Variants in LRFN2 observed in about 807,000 individuals in gnomAD.
LRFN2 encodes the protein leucine rich repeat and fibronectin type III domain containing 2, also known as leucine-rich repeat and fibronectin type-III domain-containing protein 2.
A neutral mutation model predicts 37.3 loss-of-function variants in LRFN2; 18 were observed. The ratio of observed to expected loss-of-function variants is 0.48; its 90% CI spans 0.33 to 0.72. LRFN2 has a LOEUF of 0.72. LRFN2 is among the 30% of genes least tolerant of loss of function. LRFN2 has a pLI of 0.02. For synonymous variants in LRFN2, 556 were observed against 466.6 expected (o/e 1.19, Z -2.47); for missense variants, 1,006 against 1,060.7 (o/e 0.95, Z 0.72).
At chr6:40,459,332 C>T (rs1260173305) in intron 1 of LRFN2, among the ~76,000 whole-genome samples, 1 of 152,210 alleles carries the variant, frequency 6.6e-6, no homozygotes, top group Admixed American at 6.5e-5. Flanking sequence ...GCCAGAGGAA[C>T]TTCAATTGTG....
At chr6:40,486,606 G>A (rs73432629) in intron 1 of LRFN2, among the ~76,000 whole-genome samples, 7,352 of 152,194 alleles carry the variant, frequency 0.048, 534 homozygotes, top group African/African-American at 0.16. Flanking sequence ...AGCAACAGAA[G>A]TGTCCCATGG....
chr6:40,391,959 ATCACCCAT>A lies in LRFN2; in HGVS notation c.2346_2353del (p.Glu782AspfsTer82). 1 of 1,581,136 alleles carries A rather than the reference ATCACCCAT, an allele frequency of 6.3e-7. No homozygotes were observed. Among genetic ancestry groups the A allele is most frequent in the Non-Finnish European group, 8.6e-7 (1 of 1,162,376 alleles). On this transcript the variant is annotated frameshift_variant, in exon 3 of 3. Transcript: ENST00000338305. LOFTEE classifies it high-confidence loss of function. ...CACCCCCACCTAGACCGTGCTCTCC[ATCACCCAT>A]TCGGAGCTGCCAAAAGTCCCCCGGG...
intron 1 of LRFN2, among the ~76,000 whole-genome samples, chr6:40,524,606 T>C (rs1581777645): frequency 1.3e-5 from 2 of 152,210 alleles, no homozygotes; most frequent in Non-Finnish European, 2.9e-5. Flanking sequence ...TCACTCACTC[T>C]GTTGGCAACC....
chr6:40,455,246 G>A (rs1764208971), intron 1 of LRFN2, among the ~76,000 whole-genome samples: 2 of 152,168 alleles, frequency 1.3e-5, no homozygotes, highest in Non-Finnish European at 2.9e-5. Context: ...AATATGCAAT[G>A]CCTGTGCATC....
intron 1 of LRFN2, among the ~76,000 whole-genome samples, chr6:40,562,003 T>C (rs1767003467): frequency 6.6e-6 from 1 of 152,176 alleles, no homozygotes; most frequent in African/African-American, 2.4e-5. Context: ...GCAGGTATTC[T>C]AGAAGTATGT....
intron 2 of LRFN2, among the ~76,000 whole-genome samples, chr6:40,397,368 TCAGCAGCCTC>T (rs1198399492): frequency 2.6e-5 from 4 of 152,312 alleles, no homozygotes; most frequent in African/African-American, 9.6e-5. Context: ...CAGGATGGAC[TCAGCAGCCTC>T]CAGTCAGGCT....
chr6:40,411,246 T>G (rs935763814), intron 2 of LRFN2, among the ~76,000 whole-genome samples: 1 of 152,168 alleles, frequency 6.6e-6, no homozygotes, highest in Non-Finnish European at 1.5e-5. Context: ...GTGAGGCTGA[T>G]GAGGAGTCGT....
chr6:40,545,908 T>C (rs999417718), intron 1 of LRFN2, among the ~76,000 whole-genome samples: 2 of 152,186 alleles, frequency 1.3e-5, no homozygotes, highest in African/African-American at 4.8e-5. Context: ...AAATTGTTTC[T>C]TTTTCTTTTG....
At chr6:40,442,481 C>G (rs937605002) in intron 1 of LRFN2, among the ~76,000 whole-genome samples, 2 of 152,120 alleles carry the variant, frequency 1.3e-5, no homozygotes, top group Non-Finnish European at 2.9e-5. Context: ...CTTCAGCCAA[C>G]TGGGGCTCCC....
chr6:40,579,995 C>A (rs1219213816), intron 1 of LRFN2, among the ~76,000 whole-genome samples: 2 of 152,152 alleles, frequency 1.3e-5, no homozygotes, highest in Non-Finnish European at 2.9e-5. Context: ...GAAGGTAGCA[C>A]TTCAGAGCAA....
intron 1 of LRFN2, among the ~76,000 whole-genome samples, chr6:40,441,894 G>C (rs1367280138): frequency 6.6e-6 from 1 of 152,222 alleles, no homozygotes; most frequent in African/African-American, 2.4e-5. Flanking sequence ...GGAACCTGGA[G>C]GGAGACCAGA....
Position 40,441,888 on chromosome 6 carries a change from C to A in LRFN2, c.-18-8757G>T, listed in dbSNP as rs540395751. Among the ~76,000 whole-genome samples, 8 of 152,320 alleles carry A rather than the reference C, an allele frequency of 5.3e-5. No homozygotes were observed. The South Asian group carries it at 1.7e-3, about 32-fold the overall frequency. ...TCAAGCAAGGCTCCAACCCTAGGAA[C>A]CTGGAGGGAGACCAGAGTTCCTGGA... On this transcript the variant is annotated intron_variant, in intron 1 of 2. Coordinates refer to ENST00000338305, the MANE Select transcript of LRFN2 (RefSeq NM_020737.3).
intron 1 of LRFN2, among the ~76,000 whole-genome samples, chr6:40,511,105 T>C (rs767803293): frequency 1.6e-4 from 24 of 152,134 alleles, no homozygotes; most frequent in Non-Finnish European, 2.9e-4. Context: ...TGAGTTATCA[T>C]GCACACCAGG....
At chr6:40,488,017 C>T (rs1765006220) in intron 1 of LRFN2, among the ~76,000 whole-genome samples, 1 of 152,132 alleles carries the variant, frequency 6.6e-6, no homozygotes, top group African/African-American at 2.4e-5. Context: ...CAGCAGCAGC[C>T]CCCAGTTCTT....
At chr6:40,514,625 T>A (rs1228828964) in intron 1 of LRFN2, among the ~76,000 whole-genome samples, 1 of 152,168 alleles carries the variant, frequency 6.6e-6, no homozygotes, top group Non-Finnish European at 1.5e-5. Context: ...ATATGTTACA[T>A]GTGACTAGGT....
At chr6:40,505,946 T>G (rs1343613828) in intron 1 of LRFN2, among the ~76,000 whole-genome samples, 1 of 152,140 alleles carries the variant, frequency 6.6e-6, no homozygotes, top group Non-Finnish European at 1.5e-5. Context: ...TGTGGCCAAG[T>G]GTGCACTGGA....
intron 1 of LRFN2, among the ~76,000 whole-genome samples, chr6:40,534,163 G>A (rs1173996649): frequency 6.6e-6 from 1 of 152,082 alleles, no homozygotes; most frequent in African/African-American, 2.4e-5. Flanking sequence ...CATTCCAGGG[G>A]GCCAGGAACA....
intron 1 of LRFN2, among the ~76,000 whole-genome samples, chr6:40,436,871 C>T (rs575925289): frequency 8.5e-5 from 13 of 152,122 alleles, no homozygotes; most frequent in Non-Finnish European, 1.6e-4. Context: ...AGAAGGCTGA[C>T]GTTTTTCTGG....
At chr6:40,579,532 T>C (rs9462637) in intron 1 of LRFN2, among the ~76,000 whole-genome samples, 6 of 6,184 alleles carry the variant, frequency 9.7e-4, no homozygotes, top group Non-Finnish European at 1.8e-3. Context: ...ATCATCATCA[T>C]CACCACCATC....
Sources: allele counts gnomAD v4.1 joint callset (sites outside exome capture counted in the v4.1 genomes callset), GRCh38; gene constraint gnomAD v4.1.1; transcripts MANE v1.5; gene names NCBI Gene and HGNC (gene_info 2026-07-23, HGNC 2026-07-21).